HTT: variants seen among roughly 807,000 people sequenced by gnomAD.
The protein encoded by HTT is huntingtin.
HTT carries 104 observed loss-of-function variants against 362.3 expected under a neutral mutation model. The ratio of observed to expected loss-of-function variants is 0.29; its 90% CI spans 0.24 to 0.34. The LOEUF (loss-of-function observed/expected upper bound fraction) is 0.34, where lower values mean the gene tolerates loss of function less well. HTT is among the 10% of genes least tolerant of loss of function. HTT has a pLI of 1.00. For missense variants in HTT, 3,301 were observed against 3,928.6 expected (o/e 0.84, Z 4.27); for synonymous variants, 1,577 against 1,548.7 (o/e 1.02, Z -0.43).
intron 23 of HTT, among the ~76,000 whole-genome samples, chr4:3,143,642 T>C (rs1716459386): frequency 6.6e-6 from 1 of 151,616 alleles, no homozygotes; most frequent in Admixed American, 6.6e-5. Flanking sequence ...TTGCTCTTGT[T>C]GCCCAGGCTG....
chr4:3,195,755 G>C (rs1429091834), intron 40 of HTT, among the ~76,000 whole-genome samples: 1 of 152,208 alleles, frequency 6.6e-6, no homozygotes, highest in Non-Finnish European at 1.5e-5. Context: ...TTCACGGATG[G>C]TTTTCCTCCA....
chr4:3,111,799 G>T (rs1269911883), intron 6 of HTT, among the ~76,000 whole-genome samples: 1 of 152,152 alleles, frequency 6.6e-6, no homozygotes, highest in Admixed American at 6.5e-5. Flanking sequence ...GACCTCAGGT[G>T]AGTGGGTGGG....
chr4:3,110,643 G>C (rs1019073925), intron 6 of HTT, among the ~76,000 whole-genome samples: 1 of 152,196 alleles, frequency 6.6e-6, no homozygotes, highest in South Asian at 2.1e-4. Context: ...TGGGTATGGT[G>C]TTCTGGGGTA....
At chr4:3,095,384 G>C (rs923243947) in intron 2 of HTT, among the ~76,000 whole-genome samples, 3 of 152,238 alleles carry the variant, frequency 2.0e-5, no homozygotes, top group African/African-American at 7.2e-5. Flanking sequence ...AAACCAGTCA[G>C]ACATGGCGGT....
chr4:3,146,682 G>T, intron 24 of HTT, 115 bp from the exon 25 acceptor site: 1 of 839,154 alleles, frequency 1.2e-6, no homozygotes. Context: ...AACAATTTCT[G>T]AGCTGGTATA....
chr4:3,079,781 C>T (rs144376040), intron 1 of HTT, among the ~76,000 whole-genome samples: 202 of 152,194 alleles, frequency 1.3e-3, no homozygotes, highest in Non-Finnish European at 2.2e-3. Context: ...AGGGGAACAC[C>T]GGCAAAAGCA....
chr4:3,119,490 T>A (rs903132571), intron 8 of HTT, among the ~76,000 whole-genome samples: 1 of 152,228 alleles, frequency 6.6e-6, no homozygotes, highest in Non-Finnish European at 1.5e-5. Context: ...GTGACTGGAC[T>A]CAGAAAGAAA....
intron 53 of HTT, 74 bp from the exon 54 acceptor site, chr4:3,222,313 C>T (rs1009188490): frequency 1.8e-5 from 23 of 1,282,014 alleles, no homozygotes; most frequent in East Asian, 7.0e-5. Context: ...CGTGCTGTGT[C>T]GGCGTAGCTG....
Position 3,148,184 on chromosome 4 carries a change from G to A in HTT, c.3475G>A (p.Val1159Met), listed in dbSNP as rs768494083. The A allele has an allele frequency of 1.1e-5, 18 of 1,591,448 alleles. No homozygotes were observed. The South Asian group carries it at 1.2e-4, about 11-fold the overall frequency. The change falls in exon 26 of 67, where the codon GTG becomes ATG. Residue 1159 changes from valine to methionine, a missense_variant. Val to Met is a conservative substitution (Grantham distance 21). Coordinates refer to ENST00000355072, the MANE Select transcript of HTT (RefSeq NM_001388492.1). ...INICAHVLDD[V>M]APGPAIKAAL... ...CATTTGTGCCCACGTCCTGGATGACGTGGCTCCTGGACCCGCAATAAAGGT... is the reference window on the plus strand; with the variant it reads ...CATTTGTGCCCACGTCCTGGATGACATGGCTCCTGGACCCGCAATAAAGGT...
chr4:3,125,879 T>C (rs757686282), intron 11 of HTT, among the ~76,000 whole-genome samples: 5 of 152,194 alleles, frequency 3.3e-5, no homozygotes, highest in Admixed American at 2.6e-4. Context: ...GTTTATGGCT[T>C]GAGCATAGGG....
At chr4:3,091,059 C>T (rs1192209821) in intron 2 of HTT, among the ~76,000 whole-genome samples, 1 of 152,110 alleles carries the variant, frequency 6.6e-6, no homozygotes, top group Non-Finnish European at 1.5e-5. Context: ...TTGCGGTGAG[C>T]CTAGATCGCA....
chr4:3,121,905 G>A (rs1715314347), intron 9 of HTT, among the ~76,000 whole-genome samples: 1 of 152,168 alleles, frequency 6.6e-6, no homozygotes, highest in South Asian at 2.1e-4. Context: ...AGTTTAGCAG[G>A]TTGGGTGGCA....
At chr4:3,118,026 A>T (rs920448688) in intron 8 of HTT, among the ~76,000 whole-genome samples, 3 of 152,094 alleles carry the variant, frequency 2.0e-5, no homozygotes, top group Non-Finnish European at 4.4e-5. Flanking sequence ...CCTCCATCCC[A>T]GTTTTTTTCC....
chr4:3,126,551 A>G (rs923060213), intron 11 of HTT, among the ~76,000 whole-genome samples: 3 of 151,846 alleles, frequency 2.0e-5, no homozygotes, highest in South Asian at 4.1e-4. Context: ...GTAATTATTT[A>G]TTTACAAAAT....
rs1560561248 is a variant in HTT at position 3,131,314 on chromosome 4, A to G, written c.2015A>G (p.Gln672Arg). ...KPCRIKGDIG[Q>R]STDDDSAPLV... is the part of the protein sequence containing the mutation. ...TGCCGCATCAAAGGTGACATTGGAC[A>G]GTCCACTGATGATGACTCTGCACCT... The change falls in exon 15 of 67, where the codon CAG becomes CGG. Residue 672 changes from glutamine to arginine, a missense_variant. Around this residue, in one of 4 missense-constraint regions of HTT, gnomAD observed 2,316 missense variants for 2,658.5 expected, o/e 0.87. Coordinates refer to ENST00000355072, the MANE Select transcript of HTT (RefSeq NM_001388492.1). 2 of 1,613,936 alleles carry G rather than the reference A, an allele frequency of 1.2e-6. No individual in the cohort carries two copies. The highest frequency in any genetic ancestry group is 1.7e-6 in the Non-Finnish European group (2 of 1,179,950).
intron 29 of HTT, among the ~76,000 whole-genome samples, chr4:3,161,641 G>T (rs566445139): frequency 3.9e-5 from 6 of 152,302 alleles, no homozygotes; most frequent in African/African-American, 1.4e-4. Context: ...GTATCTCATT[G>T]TGATTTTGAT....
chr4:3,099,448 G>C (rs572213257), intron 3 of HTT, 54 bp downstream of exon 3: 2 of 1,603,602 alleles, frequency 1.2e-6, no homozygotes, highest in South Asian at 1.1e-5. Context: ...TGTAGGCTGA[G>C]AGAAGAAGCG....
Position 3,105,380 on chromosome 4 carries a change from T to C in HTT, c.552T>C (p.Arg184=). The C allele has an allele frequency of 6.2e-7, 1 of 1,614,086 alleles. No individual in the cohort carries two copies. The highest frequency in any genetic ancestry group is 1.1e-5 in the South Asian group (1 of 91,080). The change falls in exon 5 of 67, where the codon CGT becomes CGC. Residue 184 remains arginine, a synonymous_variant. Coordinates refer to ENST00000355072, the MANE Select transcript of HTT (RefSeq NM_001388492.1). ...IKKNGAPRSL[R]AALWRFAELA... is the part of the protein sequence containing the mutation. Reference sequence around the variant, plus strand: ...AGAATGGTGCCCCTCGGAGTTTGCGTGCTGCCCTGTGGAGGTTTGCTGAGC... The same window carrying C: ...AGAATGGTGCCCCTCGGAGTTTGCGCGCTGCCCTGTGGAGGTTTGCTGAGC...
In HTT at chr4:3,122,954, CAG is replaced by C. The variant is rs1226660617; in HGVS notation, c.1321+21_1321+22del. The C allele has an allele frequency of 3.1e-6, 5 of 1,600,522 alleles. No homozygotes were observed. The highest frequency in any genetic ancestry group is 2.2e-5 in the East Asian group (1 of 44,776). ...ACAAAAAGGTGATTATTTCAGAAATCAGAGTCTTGTGTTGAATCTTACTGATT... is the reference window on the plus strand; with the variant it reads ...ACAAAAAGGTGATTATTTCAGAAATCAGTCTTGTGTTGAATCTTACTGATT... On this transcript the variant is annotated intron_variant, in intron 10 of 66. Coordinates refer to ENST00000355072, the MANE Select transcript of HTT (RefSeq NM_001388492.1).
Sources: gnomAD v4.1 joint callset for allele counts (sites outside exome capture counted in the v4.1 genomes callset) on GRCh38, gnomAD v4.1.1 for gene constraint, gnomAD v4.1.1 regional missense constraint, MANE v1.5 for transcripts, NCBI Gene and HGNC (gene_info 2026-07-23, HGNC 2026-07-21) for gene names.